TPGS2: variants seen among roughly 807,000 people sequenced by gnomAD.
TPGS2 encodes the protein polyglutamylase subunit 2.
A neutral mutation model predicts 31.1 loss-of-function variants in TPGS2; 26 were observed. The observed-to-expected ratio is 0.84, with a 90% CI of 0.61 to 1.16. TPGS2 has a LOEUF of 1.16. TPGS2 is among the 50% of genes most tolerant of loss of function. The pLI is 0.00. For missense variants in TPGS2, 351 were observed against 363.8 expected (o/e 0.96, Z 0.29); for synonymous variants, 130 against 136.6 (o/e 0.95, Z 0.34).
At chr18:36,819,004 C>G (rs554752622) in intron 1 of TPGS2, 31 bp from the exon 2 acceptor site, 1 of 1,579,668 alleles carries the variant, frequency 6.3e-7, no homozygotes, top group African/African-American at 1.3e-5. Context: ...TGTAGAGTTG[C>G]AATTGGTCCG....
chr18:36,825,432 C>CAAAAAAAA (rs60365266), intron 1 of TPGS2, among the ~76,000 whole-genome samples: 1 of 77,432 alleles, frequency 1.3e-5, no homozygotes. Context: ...ACTCCGTCTC[C>CAAAAAAAA]AAAAAAAAAA....
At chr18:36,807,785 C>T in intron 3 of TPGS2, 62 bp downstream of exon 3, 2 of 1,512,946 alleles carry the variant, frequency 1.3e-6, no homozygotes, top group Non-Finnish European at 1.8e-6. Flanking sequence ...GAAGGGCCCT[C>T]AGAGTTGTCC....
At position 36,800,323 on chromosome 18, in the gene TPGS2, GA is replaced by G; in HGVS notation, c.383-13del. The G allele has an allele frequency of 1.2e-6, 2 of 1,611,422 alleles. No homozygotes were observed. The highest frequency in any genetic ancestry group is 1.7e-6 in the Non-Finnish European group (2 of 1,177,620). On this transcript the variant is annotated splice_polypyrimidine_tract_variant and intron_variant, in intron 4 of 6. Coordinates refer to ENST00000334295, the MANE Select transcript of TPGS2 (RefSeq NM_015476.4). ...CTGATCATCACTGGCTGCAAACCCA[GA>G]AGTTAATGGTAATGTTCAAACAAAC... is the stretch of plus-strand genomic sequence containing the variant.
chr18:36,828,507 T>A (rs570771414), intron 1 of TPGS2, among the ~76,000 whole-genome samples, 176 bp downstream of exon 1: 8 of 152,254 alleles, frequency 5.3e-5, no homozygotes, highest in Non-Finnish European at 1.0e-4. Flanking sequence ...GCAAACACTT[T>A]CAAGGCCTAA....
downstream of TPGS2, among the ~76,000 whole-genome samples, chr18:36,782,321 T>C (rs184855192): frequency 6.6e-6 from 1 of 152,328 alleles, no homozygotes; most frequent in Admixed American, 6.5e-5. Context: ...AGGGTCTCTT[T>C]TATTGGGCCC....
Position 36,794,300 on chromosome 18 carries a change from G to C in TPGS2, c.*2505C>G. 2.0e-6 allele frequency: 2 copies of C among 985,418 alleles called. No individual in the cohort carries two copies. 61.0% of individuals were successfully genotyped at this position (985,418 alleles called of 1,614,324 possible). A position where few individuals can be genotyped will look rare whatever the true frequency, so the allele number is the denominator to read the frequency against. On this transcript the variant is annotated 3_prime_UTR_variant, in exon 7 of 7. Transcript: ENST00000334295. ...TTTGTACTGGATCCTGCACTGAGTG[G>C]AGTCAGTCCTGCTCTTCCCTGCTCA...
At chr18:36,813,652 G>A (rs1248706180) in intron 2 of TPGS2, among the ~76,000 whole-genome samples, 5 of 152,196 alleles carry the variant, frequency 3.3e-5, no homozygotes, top group Non-Finnish European at 2.9e-5. Context: ...GTCCTCTAAC[G>A]AAAACATTTC....
chr18:36,784,978 G>A (rs367679660), intron 6 of TPGS2, among the ~76,000 whole-genome samples: 9 of 152,210 alleles, frequency 5.9e-5, no homozygotes, highest in Non-Finnish European at 1.2e-4. Flanking sequence ...AGGCCTAGTC[G>A]TGTACAGGGT....
rs755065481 is a variant in TPGS2 at position 36,805,385 on chromosome 18, T to G, written c.371A>C (p.Asp124Ala). The G allele has an allele frequency of 6.2e-7, 1 of 1,613,938 alleles. No homozygotes were observed. Among genetic ancestry groups the G allele is most frequent in the Non-Finnish European group, 8.5e-7 (1 of 1,179,822 alleles). ...NAPTLADLED[D>A]THEASDDQPE... is the part of the protein sequence containing the mutation. ...TGGTATCTTCCTACCTTCATGTGTA[T>G]CGTCCTCCAGGTCTGCCAGAGTGGG... The change falls in exon 4 of 7, where the codon GAT becomes GCT. Residue 124 changes from aspartate to alanine, a missense_variant. Transcript: ENST00000334295.
intron 1 of TPGS2, among the ~76,000 whole-genome samples, chr18:36,826,242 G>T (rs1445672999): frequency 6.6e-6 from 1 of 152,114 alleles, no homozygotes; most frequent in Non-Finnish European, 1.5e-5. Flanking sequence ...GCCCAGGCTG[G>T]TCTGCAACTC....
chr18:36,781,196 C>T (rs1420571285), downstream of TPGS2, among the ~76,000 whole-genome samples: 1 of 152,262 alleles, frequency 6.6e-6, no homozygotes, highest in East Asian at 1.9e-4. Flanking sequence ...GTCTGAGACC[C>T]AGATGGTGGT....
At chr18:36,817,074 A>C (rs2045690268) in intron 2 of TPGS2, among the ~76,000 whole-genome samples, 1 of 152,268 alleles carries the variant, frequency 6.6e-6, no homozygotes. Flanking sequence ...TGACAGGATC[A>C]GCCAATAAGA....
downstream of TPGS2, among the ~76,000 whole-genome samples, chr18:36,782,541 G>C (rs1212241398): frequency 6.6e-6 from 1 of 152,188 alleles, no homozygotes; most frequent in African/African-American, 2.4e-5. Context: ...ATTCTAATGT[G>C]AAGATAGGTT....
intron 2 of TPGS2, 142 bp downstream of exon 2, chr18:36,818,752 C>T: frequency 1.4e-6 from 1 of 726,406 alleles, no homozygotes; most frequent in Non-Finnish European, 2.3e-6. Context: ...GTGGGCTGAA[C>T]AGGAACATAG....
At chr18:36,820,230 C>A (rs1262798564) in intron 1 of TPGS2, among the ~76,000 whole-genome samples, 2 of 152,210 alleles carry the variant, frequency 1.3e-5, no homozygotes, top group African/African-American at 4.8e-5. Flanking sequence ...CCTTTACCTT[C>A]AGTAAGTAAA....
downstream of TPGS2, among the ~76,000 whole-genome samples, chr18:36,782,816 A>G (rs1379082630): frequency 8.5e-5 from 13 of 152,216 alleles, no homozygotes; most frequent in Non-Finnish European, 1.9e-4. Context: ...GTCCCTCACT[A>G]AACATTTGGA....
At chr18:36,827,735 T>C (rs948930562) in intron 1 of TPGS2, among the ~76,000 whole-genome samples, 3 of 152,232 alleles carry the variant, frequency 2.0e-5, no homozygotes, top group African/African-American at 7.2e-5. Flanking sequence ...TCATCTCCTC[T>C]GTGACATGTT....
intron 3 of TPGS2, chr18:36,805,950 T>G (rs80030185): frequency 1.3e-5 from 2 of 150,702 alleles, no homozygotes; most frequent in Non-Finnish European, 3.0e-5. Context: ...CTTTCATGAT[T>G]AAAAAAAAAA....
intron 1 of TPGS2, chr18:36,823,721 A>C: frequency 1.9e-6 from 1 of 537,506 alleles, no homozygotes; most frequent in Non-Finnish European, 2.4e-6. Flanking sequence ...CGGCCTCCCA[A>C]AGTGCTGGGA....
Sources: gnomAD v4.1 joint callset for allele counts (sites outside exome capture counted in the v4.1 genomes callset) on GRCh38, gnomAD v4.1.1 for gene constraint, MANE v1.5 for transcripts, NCBI Gene and HGNC (gene_info 2026-07-23, HGNC 2026-07-21) for gene names.